Variants in A2ML1 observed in about 807,000 individuals in gnomAD.
The protein encoded by A2ML1 is alpha-2-macroglobulin like 1.
Under a neutral mutation model 181.9 loss-of-function variants are expected in A2ML1, and 161 were observed. The ratio of observed to expected loss-of-function variants is 0.89; its 90% CI spans 0.78 to 1.01. The LOEUF (loss-of-function observed/expected upper bound fraction) is 1.01. Ranked by LOEUF, A2ML1 falls within the 50% of genes least tolerant of loss-of-function variation. The pLI is 0.00. For missense variants in A2ML1, 1,670 were observed against 1,768.1 expected (o/e 0.94, Z 1.00); for synonymous variants, 663 against 666.8 (o/e 0.99, Z 0.09).
chr12:8,838,557 ATGGTACCT>A lies in A2ML1; in HGVS notation c.970+110_970+117del, dbSNP rs1943363184. On this transcript the variant is annotated intron_variant, in intron 9 of 35. Coordinates refer to ENST00000299698, the MANE Select transcript of A2ML1 (RefSeq NM_144670.6). Reference sequence around the variant, plus strand: ...AAGACCTACCCTCTTGAGTGTTTGGATGGTACCTTGTTCCTAGTTCATAGTCAAGGGGA... The same window carrying A: ...AAGACCTACCCTCTTGAGTGTTTGGATGTTCCTAGTTCATAGTCAAGGGGA... 6 of 740,860 alleles carry A rather than the reference ATGGTACCT, an allele frequency of 8.1e-6. No homozygotes were observed. In the South Asian group the frequency reaches 1.3e-4, roughly 16 times the overall value. 45.9% of individuals were successfully genotyped at this position (740,860 alleles called of 1,614,324 possible).
intron 16 of A2ML1, among the ~76,000 whole-genome samples, chr12:8,849,452 T>G (rs997912956): frequency 4.6e-5 from 7 of 152,224 alleles, no homozygotes; most frequent in African/African-American, 1.7e-4. Flanking sequence ...ATTACATGTA[T>G]GTAATGATGA....
At position 8,865,337 on chromosome 12, in the gene A2ML1, C is replaced by T. The variant is rs1363785897; in HGVS notation, c.3717+1329C>T. Among the ~76,000 whole-genome samples the T allele has an allele frequency of 8.6e-5, 13 of 151,222 alleles. No homozygotes were observed. The South Asian group carries it at 2.1e-3, about 25-fold the overall frequency. ...GGCGGATCACCTGAGGTCGGGAGTT[C>T]GAGACCAGCCTGACCAACATGGAGA... On this transcript the variant is annotated intron_variant, in intron 29 of 35. Coordinates refer to ENST00000299698, the MANE Select transcript of A2ML1 (RefSeq NM_144670.6).
downstream of A2ML1, among the ~76,000 whole-genome samples, chr12:8,881,471 C>G (rs1331843693): frequency 6.6e-6 from 1 of 152,198 alleles, no homozygotes; most frequent in Non-Finnish European, 1.5e-5. Flanking sequence ...CTTTCTGTCT[C>G]TTGTCATATA....
chr12:8,823,207 C>CGGCT lies in A2ML1; in HGVS notation c.89_92dup (p.Asn32AlafsTer19). 6.2e-7 allele frequency: 1 copy of CGGCT among 1,613,880 alleles called. No homozygotes were observed. The highest frequency in any genetic ancestry group is 8.5e-7 in the Non-Finnish European group (1 of 1,179,962). On this transcript the variant is annotated frameshift_variant, in exon 2 of 36. Coordinates refer to ENST00000299698, the MANE Select transcript of A2ML1 (RefSeq NM_144670.6). LOFTEE classifies it high-confidence loss of function. Reference sequence around the variant, plus strand: ...AAACTACCTGGTGACATTACCAGCCCGGCTAAATTTCCCCTCCGTTCAGAA... The same window carrying CGGCT: ...AAACTACCTGGTGACATTACCAGCCCGGCTGGCTAAATTTCCCCTCCGTTCAGAA...
At position 8,858,086 on chromosome 12, in the gene A2ML1, T is replaced by C. The variant is rs1239377436; in HGVS notation, c.3248T>C (p.Leu1083Pro). The change falls in exon 26 of 36, where the codon CTT becomes CCT. Residue 1083 changes from leucine to proline, a missense_variant. Leu to Pro is a moderately conservative substitution (Grantham distance 98). Transcript: ENST00000299698. ...TGCTATGCCAACGTGGGAAATCTCC[T>C]TCACACAGCTATGAAGGTGCGGATC... The part of the protein sequence containing the change: ...SGCYANVGNL[L>P]HTAMKGGVDD... The C allele has an allele frequency of 6.2e-7, 1 of 1,613,982 alleles. No individual in the cohort carries two copies. Among genetic ancestry groups the C allele is most frequent in the Non-Finnish European group, 8.5e-7 (1 of 1,180,036 alleles).
chr12:8,845,861 A>ATAAT lies in A2ML1; in HGVS notation c.1538-216_1538-215insTAAT, dbSNP rs1206316035. On this transcript the variant is annotated intron_variant, in intron 13 of 35. Coordinates refer to ENST00000299698, the MANE Select transcript of A2ML1 (RefSeq NM_144670.6). ...CGAGACTCCGTCTCAAAAAAAAAAA[A>ATAAT]AAATAAATAAAATAAAATAAAATAA... Among the ~76,000 whole-genome samples the ATAAT allele has an allele frequency of 5.7e-5, 5 of 87,284 alleles. No individual in the cohort carries two copies. The South Asian group carries it at 8.4e-4, about 15-fold the overall frequency. 57.3% of individuals were successfully genotyped at this position (87,284 alleles called of 152,430 possible).
chr12:8,835,149 A>T (rs1943231021), intron 5 of A2ML1, among the ~76,000 whole-genome samples: 1 of 152,234 alleles, frequency 6.6e-6, no homozygotes, highest in Non-Finnish European at 1.5e-5. Context: ...TCTTACAATC[A>T]ATCTCCTCAG....
At chr12:8,837,296 A>G in intron 7 of A2ML1, 144 bp from the exon 8 acceptor site, 2 of 1,024,488 alleles carry the variant, frequency 2.0e-6, no homozygotes, top group Non-Finnish European at 2.8e-6. Flanking sequence ...CTGGGATTAC[A>G]GGCGTGAGCC....
At chr12:8,824,707 T>C (rs1188621678) in intron 3 of A2ML1, among the ~76,000 whole-genome samples, 3 of 150,932 alleles carry the variant, frequency 2.0e-5, no homozygotes, top group Non-Finnish European at 4.4e-5. Flanking sequence ...GTTCTCTCTC[T>C]CTCTTTCAAA....
chr12:8,868,740 A>T, intron 32 of A2ML1, 113 bp downstream of exon 32: 1 of 693,636 alleles, frequency 1.4e-6, no homozygotes, highest in Non-Finnish European at 2.4e-6. Context: ...CACACAAGGC[A>T]TGTATATACA....
rs7977933 is a variant in A2ML1 at position 8,847,905 on chromosome 12, C to G, written c.1833+207C>G. ...CTGTAATCCCAGTGCTTTGTGAGGC[C>G]GAGGCTGGCAGATCACCTGAGGTCG... On this transcript the variant is annotated intron_variant, in intron 15 of 35. Transcript: ENST00000299698. Among the ~76,000 whole-genome samples, 7,310 of 151,606 alleles carry G rather than the reference C, an allele frequency of 0.048. 241 individuals are homozygous for G. The highest frequency in any genetic ancestry group is 0.092 in the Middle Eastern group (27 of 292).
intron 3 of A2ML1, among the ~76,000 whole-genome samples, chr12:8,824,222 G>GGTTTTTTTTTTTTTTT (rs1942847563): frequency 1.1e-5 from 1 of 92,310 alleles, no homozygotes; most frequent in African/African-American, 4.3e-5. Context: ...AGCTACTGGG[G>GGTTTTTTTTTTTTTTT]TTTTTTTTTT....
intron 1 of A2ML1, 59 bp downstream of exon 1, chr12:8,822,772 TCAAA>T: frequency 2.6e-6 from 4 of 1,528,550 alleles, no homozygotes; most frequent in Non-Finnish European, 3.6e-6. Flanking sequence ...CCTAACTTTC[TCAAA>T]CATTTATATG....
intron 28 of A2ML1, among the ~76,000 whole-genome samples, chr12:8,863,120 A>G (rs1029466295): frequency 8.0e-6 from 1 of 125,594 alleles, no homozygotes; most frequent in Non-Finnish European, 1.7e-5. Context: ...TTTTTTTTTG[A>G]GACTGGGTTT....
chr12:8,838,630 G>A (rs1174178542), intron 9 of A2ML1, among the ~76,000 whole-genome samples, 180 bp downstream of exon 9: 1 of 151,946 alleles, frequency 6.6e-6, no homozygotes. Flanking sequence ...GAAATACTAC[G>A]GGCCGGGCAT....
Position 8,841,025 on chromosome 12 carries a change from A to AGGAAGGACGGACGGAC in A2ML1, c.1081-337_1081-336insCGGACGGACGGAAGGA, listed in dbSNP as rs1555109431. 6.6e-4 allele frequency among the ~76,000 whole-genome samples: 84 copies of AGGAAGGACGGACGGAC among 126,324 alleles called. 1 individual carries two copies. The East Asian group carries it at 0.013, about 19-fold the overall frequency. 82.9% of individuals were successfully genotyped at this position (126,324 alleles called of 152,430 possible). ...AAGGAAGGAAGGACGGAAGGAAGGAAGGAAGGAAGGAAAGAAAAAAGAAAG... is the reference window on the plus strand; with the variant it reads ...AAGGAAGGAAGGACGGAAGGAAGGAAGGAAGGACGGACGGACGGAAGGAAGGAAAGAAAAAAGAAAG... On this transcript the variant is annotated intron_variant, in intron 10 of 35. Coordinates refer to ENST00000299698, the MANE Select transcript of A2ML1 (RefSeq NM_144670.6).
rs781685158 is a variant in A2ML1 at position 8,860,914 on chromosome 12, T to C, written c.3298T>C (p.Tyr1100His). Residue 1100 changes from tyrosine (Y) to histidine (H), a missense_variant, in exon 27 of 36, where the codon TAT becomes CAT. Physicochemically the swap from Tyr to His is moderately conservative, Grantham distance 83 (BLOSUM62 2). Transcript: ENST00000299698. ...TGATGATGAGGTCTCCTTGACTGCGTATGTCACAGCTGCATTGCTGGAGAT... is the reference window on the plus strand; with the variant it reads ...TGATGATGAGGTCTCCTTGACTGCGCATGTCACAGCTGCATTGCTGGAGAT... ...GVDDEVSLTA[Y>H]VTAALLEMGK... 1.9e-5 allele frequency: 31 copies of C among 1,614,116 alleles called. 1 individual carries two copies. The highest frequency in any genetic ancestry group is 1.4e-5 in the Non-Finnish European group (17 of 1,180,030).
At chr12:8,875,097 CT>C in intron 35 of A2ML1, 85 bp downstream of exon 35, 5 of 1,456,432 alleles carry the variant, frequency 3.4e-6, no homozygotes, top group East Asian at 2.3e-5. Context: ...CTGTCATTGT[CT>C]TTTTTTGAGA....
At position 8,852,658 on chromosome 12, in the gene A2ML1, T is replaced by C. The variant is rs935926379; in HGVS notation, c.2590+322T>C. Among the ~76,000 whole-genome samples the C allele has an allele frequency of 6.6e-6, 1 of 152,222 alleles. No homozygotes were observed. The highest frequency in any genetic ancestry group is 1.5e-5 in the Non-Finnish European group (1 of 68,048). ...CAGGCACTATTCTAACTGCTTTACA[T>C]ATATTAACTCATTAAATTGATTGAC... is the stretch of plus-strand genomic sequence containing the variant. On this transcript the variant is annotated intron_variant, in intron 20 of 35. Coordinates refer to ENST00000299698, the MANE Select transcript of A2ML1 (RefSeq NM_144670.6). The surrounding 1 kb of genome is among the most constrained non-coding windows in gnomAD (Gnocchi z 4.2).
Sources: gnomAD v4.1 joint callset for allele counts (sites outside exome capture counted in the v4.1 genomes callset) on GRCh38, gnomAD v4.1.1 for gene constraint, Gnocchi (gnomAD v3.1) non-coding constraint, MANE v1.5 for transcripts, NCBI Gene and HGNC (gene_info 2026-07-23, HGNC 2026-07-21) for gene names.